Variants in NRXN1 observed in about 807,000 individuals in gnomAD.
NRXN1 encodes the protein neurexin-1.
A neutral mutation model predicts 150.9 loss-of-function variants in NRXN1; 39 were observed. The ratio of observed to expected loss-of-function variants is 0.26; its 90% CI spans 0.20 to 0.34. NRXN1 has a LOEUF of 0.34. Among genes scored for constraint, NRXN1 ranks in the 10% least tolerant of loss-of-function variants. NRXN1 has a pLI of 1.00. For synonymous variants in NRXN1, 924 were observed against 757.0 expected (o/e 1.22, Z -3.62); for missense variants, 1,815 against 1,949.9 (o/e 0.93, Z 1.30).
chr2:50,320,031 C>T (rs576212249), intron 17 of NRXN1, among the ~76,000 whole-genome samples: 61 of 151,606 alleles, frequency 4.0e-4, no homozygotes, highest in African/African-American at 1.4e-3. Context: ...GTTATCGAAA[C>T]CTAACATTTC....
intron 21 of NRXN1, among the ~76,000 whole-genome samples, chr2:50,015,258 T>G (rs929786296): frequency 2.0e-5 from 3 of 151,972 alleles, no homozygotes; most frequent in African/African-American, 7.2e-5. Context: ...GCTGCACACT[T>G]TATGATTAGA....
In NRXN1 at chr2:50,590,876, G is replaced by A. The variant is rs1465012898; in HGVS notation, c.1320+29146C>T. 2.0e-5 allele frequency among the ~76,000 whole-genome samples: 3 copies of A among 152,190 alleles called. No homozygotes were observed. In the East Asian group the frequency reaches 5.8e-4, roughly 29 times the overall value. ...GTATTTTTGTTATAGCAGTCAGAAT[G>A]GACTAAGATCTCAACATACTCTAAA... On this transcript the variant is annotated intron_variant, in intron 8 of 22. Coordinates refer to ENST00000401669, the MANE Select transcript of NRXN1 (RefSeq NM_001330078.2).
chr2:50,220,045 T>C (rs1167528867), intron 18 of NRXN1, among the ~76,000 whole-genome samples: 2 of 131,102 alleles, frequency 1.5e-5, no homozygotes, highest in Non-Finnish European at 3.1e-5. Context: ...TATTCCTAAA[T>C]AAGTGGCTCT....
At chr2:49,980,642 A>G (rs1210438198) in intron 21 of NRXN1, among the ~76,000 whole-genome samples, 2 of 152,150 alleles carry the variant, frequency 1.3e-5, no homozygotes, top group Non-Finnish European at 2.9e-5. Context: ...TGCATAGAAG[A>G]AATGTACAAA....
At chr2:51,021,895 A>T (rs192423251) in intron 2 of NRXN1, among the ~76,000 whole-genome samples, 3 of 152,212 alleles carry the variant, frequency 2.0e-5, no homozygotes, top group Non-Finnish European at 1.5e-5. Flanking sequence ...GTGAAAGCAT[A>T]GTTTCTACAT....
intron 18 of NRXN1, among the ~76,000 whole-genome samples, chr2:50,191,147 G>C (rs1166332826): frequency 6.6e-6 from 1 of 151,106 alleles, no homozygotes; most frequent in East Asian, 2.0e-4. Context: ...TCCTACCTCA[G>C]CCTCCTAGGT....
chr2:50,206,483 C>T (rs2062587170), intron 18 of NRXN1, among the ~76,000 whole-genome samples: 1 of 151,950 alleles, frequency 6.6e-6, no homozygotes, highest in South Asian at 2.1e-4. Flanking sequence ...TCTATTGCTC[C>T]TCATTATATC....
chr2:50,979,950 G>A lies in NRXN1; in HGVS notation c.772+47552C>T, dbSNP rs112163759. Among the ~76,000 whole-genome samples, 357 of 152,144 alleles carry A rather than the reference G, an allele frequency of 2.3e-3. 1 individual carries two copies. Among genetic ancestry groups the A allele is most frequent in the African/African-American group, 8.3e-3 (345 of 41,532 alleles). On this transcript the variant is annotated intron_variant, in intron 2 of 22. Coordinates refer to ENST00000401669, the MANE Select transcript of NRXN1 (RefSeq NM_001330078.2). Reference sequence around the variant, plus strand: ...AGCCAACTATTTGGAGTAATATCACGTTTGTTCTCTATAAATAATATAATT... The same window carrying A: ...AGCCAACTATTTGGAGTAATATCACATTTGTTCTCTATAAATAATATAATT...
chr2:50,392,516 C>A (rs1244909410), intron 17 of NRXN1, among the ~76,000 whole-genome samples: 3 of 152,098 alleles, frequency 2.0e-5, no homozygotes, highest in Non-Finnish European at 4.4e-5. Flanking sequence ...AAAGAGATGT[C>A]TTTTACAAAG....
At chr2:50,884,833 AT>A (rs1253581545) in intron 5 of NRXN1, among the ~76,000 whole-genome samples, 1 of 150,764 alleles carries the variant, frequency 6.6e-6, no homozygotes, top group Non-Finnish European at 1.5e-5. Context: ...TAAAAAAAAA[AT>A]AAAATACAAA....
chr2:50,192,417 C>T (rs531456399), intron 18 of NRXN1, among the ~76,000 whole-genome samples: 45 of 152,014 alleles, frequency 3.0e-4, no homozygotes, highest in African/African-American at 9.6e-4. Flanking sequence ...AACATCCATT[C>T]AATAAAATAC....
intron 17 of NRXN1, among the ~76,000 whole-genome samples, chr2:50,376,805 A>G (rs1206989285): frequency 1.3e-5 from 2 of 152,286 alleles, no homozygotes; most frequent in East Asian, 3.9e-4. Context: ...ACTCTTAACA[A>G]TAACTTAACA....
rs180794841 is a variant in NRXN1 at position 50,034,371 on chromosome 2, C to T, written c.4128+18900G>A. Among the ~76,000 whole-genome samples, 161 of 152,070 alleles carry T rather than the reference C, an allele frequency of 1.1e-3. 1 individual carries two copies. The highest frequency in any genetic ancestry group is 6.6e-3 in the South Asian group (32 of 4,814). On this transcript the variant is annotated intron_variant, in intron 21 of 22. Transcript: ENST00000401669. ...CATGGATGGAGCTGGAGGCCATTAT[C>T]CTTAGCAAACCAACACAGGAACAGA...
rs1003523028 is a variant in NRXN1, at chr2:50,591,450, G to C, written c.1320+28572C>G. Reference sequence around the variant, plus strand: ...TAGATAGATAGATAGATGTATACTAGTCAGGCCTTTAAAAAAGGACAGATA... The same window carrying C: ...TAGATAGATAGATAGATGTATACTACTCAGGCCTTTAAAAAAGGACAGATA... On this transcript the variant is annotated intron_variant, in intron 8 of 22. Transcript: ENST00000401669. 3.3e-5 allele frequency among the ~76,000 whole-genome samples: 5 copies of C among 149,702 alleles called. No individual in the cohort carries two copies. In the South Asian group the frequency reaches 6.4e-4, roughly 19 times the overall value.
At chr2:50,198,083 T>A (rs900779581) in intron 18 of NRXN1, among the ~76,000 whole-genome samples, 2 of 152,152 alleles carry the variant, frequency 1.3e-5, no homozygotes, top group Non-Finnish European at 2.9e-5. Context: ...TGCATCTTTA[T>A]GAACATAATC....
At chr2:50,762,491 C>T (rs890058399) in intron 5 of NRXN1, among the ~76,000 whole-genome samples, 2 of 151,662 alleles carry the variant, frequency 1.3e-5, no homozygotes, top group East Asian at 1.9e-4. Flanking sequence ...TGCCCCATTC[C>T]CTCCCTCTCC....
intron 18 of NRXN1, among the ~76,000 whole-genome samples, chr2:50,202,999 G>A (rs1447376989): frequency 6.6e-6 from 1 of 152,094 alleles, no homozygotes; most frequent in Non-Finnish European, 1.5e-5. Context: ...GAAATTGAAG[G>A]TCCCAGAGAG....
chr2:50,471,824 C>T (rs902280109), intron 16 of NRXN1, among the ~76,000 whole-genome samples: 2 of 151,682 alleles, frequency 1.3e-5, no homozygotes, highest in Non-Finnish European at 2.9e-5. Context: ...GTACAAAAAA[C>T]CCCTATGACA....
intron 21 of NRXN1, among the ~76,000 whole-genome samples, chr2:49,963,605 A>C (rs1216852234): frequency 1.3e-5 from 2 of 152,200 alleles, no homozygotes. Context: ...AAGGGGCTTA[A>C]AAGAAGCAAA....
Sources: gnomAD v4.1 joint callset for allele counts (sites outside exome capture counted in the v4.1 genomes callset) on GRCh38, gnomAD v4.1.1 for gene constraint, MANE v1.5 for transcripts, NCBI Gene and HGNC (gene_info 2026-07-23, HGNC 2026-07-21) for gene names.